Variants in KDM2A observed in about 807,000 individuals in gnomAD.
KDM2A encodes lysine demethylase 2A.
KDM2A carries 3 observed loss-of-function variants against 137.3 expected under a neutral mutation model. That is an observed-to-expected ratio of 0.02 (90% CI 0.01 to 0.06). The LOEUF is 0.06. Among genes scored for constraint, KDM2A ranks in the 10% least tolerant of loss-of-function variants. The pLI is 1.00. For synonymous variants in KDM2A, 512 were observed against 541.5 expected (o/e 0.95, Z 0.76); for missense variants, 738 against 1,510.6 (o/e 0.49, Z 8.48).
intron 2 of KDM2A, among the ~76,000 whole-genome samples, chr11:67,150,128 G>A (rs552838430): frequency 1.3e-5 from 2 of 152,266 alleles, no homozygotes; most frequent in East Asian, 3.9e-4. Flanking sequence ...TACAACCCTA[G>A]ACAAGTTTAA....
rs554713164 is a variant in KDM2A at position 67,124,317 on chromosome 11, A to G, written c.42+2959A>G. Among the ~76,000 whole-genome samples the G allele has an allele frequency of 4.9e-4, 59 of 119,218 alleles. No homozygotes were observed. In the South Asian group the frequency reaches 0.014, roughly 29 times the overall value. 78.2% of individuals were successfully genotyped at this position (119,218 alleles called of 152,430 possible). On this transcript the variant is annotated intron_variant, in intron 2 of 20. Coordinates refer to ENST00000529006, the MANE Select transcript of KDM2A (RefSeq NM_012308.3). ...CCGTGCCCGGCTTCACTTTATTTTT[A>G]TATATATTTTTTGAAATGGAGACTC...
intron 10 of KDM2A, among the ~76,000 whole-genome samples, chr11:67,226,608 G>C (rs1858552911): frequency 1.3e-5 from 2 of 152,046 alleles, no homozygotes; most frequent in Non-Finnish European, 2.9e-5. Context: ...TGTAGTACCA[G>C]CTACTCAGGA....
chr11:67,190,780 A>G (rs1261542164), intron 5 of KDM2A, among the ~76,000 whole-genome samples: 1 of 152,166 alleles, frequency 6.6e-6, no homozygotes, highest in African/African-American at 2.4e-5. Context: ...ACTACGAACA[A>G]TTGTTCATCA....
At chr11:67,149,848 G>A (rs1856345639) in intron 2 of KDM2A, among the ~76,000 whole-genome samples, 1 of 151,704 alleles carries the variant, frequency 6.6e-6, no homozygotes, top group South Asian at 2.1e-4. Flanking sequence ...AGCCACCCAA[G>A]TAGCTGGGAT....
intron 2 of KDM2A, among the ~76,000 whole-genome samples, chr11:67,140,089 G>C (rs905338772): frequency 6.6e-6 from 1 of 152,046 alleles, no homozygotes; most frequent in Non-Finnish European, 1.5e-5. Flanking sequence ...GATTGGGTAC[G>C]GTGGCTTACA....
At chr11:67,244,267 T>C (rs982180959) in intron 13 of KDM2A, among the ~76,000 whole-genome samples, 2 of 152,220 alleles carry the variant, frequency 1.3e-5, no homozygotes, top group Non-Finnish European at 2.9e-5. Context: ...TCCTTGTCCT[T>C]GAAAAGGTCA....
chr11:67,129,751 GAAA>G (rs1331997668), intron 2 of KDM2A, among the ~76,000 whole-genome samples: 2 of 139,136 alleles, frequency 1.4e-5, no homozygotes, highest in African/African-American at 5.3e-5. Flanking sequence ...AAAAAAAAAA[GAAA>G]AAGAAAAATA....
At chr11:67,175,749 T>C (rs1241034732) in intron 2 of KDM2A, among the ~76,000 whole-genome samples, 1 of 152,060 alleles carries the variant, frequency 6.6e-6, no homozygotes, top group East Asian at 1.9e-4. Flanking sequence ...AATAAAAAGG[T>C]TGAGGTTTGA....
intron 8 of KDM2A, among the ~76,000 whole-genome samples, chr11:67,216,941 C>G (rs1213988229): frequency 4.0e-5 from 6 of 150,746 alleles, no homozygotes; most frequent in Non-Finnish European, 8.9e-5. Flanking sequence ...CAAACAACAA[C>G]AACAAAAAAA....
chr11:67,131,779 A>G (rs1456578866), intron 2 of KDM2A, among the ~76,000 whole-genome samples: 1 of 152,146 alleles, frequency 6.6e-6, no homozygotes, highest in East Asian at 1.9e-4. Context: ...TAAATATTTG[A>G]TAGCCAGTGT....
At chr11:67,177,113 C>T (rs1304296841) in intron 2 of KDM2A, among the ~76,000 whole-genome samples, 1 of 151,730 alleles carries the variant, frequency 6.6e-6, no homozygotes, top group African/African-American at 2.4e-5. Flanking sequence ...AAAAATTAGC[C>T]GGGCATATTA....
chr11:67,169,293 C>G, intron 2 of KDM2A, among the ~76,000 whole-genome samples: 1 of 151,668 alleles, frequency 6.6e-6, no homozygotes, highest in East Asian at 1.9e-4. Flanking sequence ...AAACAATGCC[C>G]TAAATTTTTT....
intron 2 of KDM2A, among the ~76,000 whole-genome samples, chr11:67,142,424 G>T (rs1274856712): frequency 6.6e-6 from 1 of 151,010 alleles, no homozygotes; most frequent in African/African-American, 2.4e-5. Context: ...GCCAAGGCAG[G>T]CGGATCACCT....
chr11:67,239,182 G>A (rs764323271), intron 12 of KDM2A, among the ~76,000 whole-genome samples: 17 of 152,318 alleles, frequency 1.1e-4, no homozygotes, highest in South Asian at 2.1e-4. Context: ...CTGAGGGTAG[G>A]ATAATCTTAC....
chr11:67,160,600 C>T (rs1192949613), intron 2 of KDM2A, among the ~76,000 whole-genome samples: 6 of 151,942 alleles, frequency 3.9e-5, no homozygotes, highest in East Asian at 1.9e-4. Context: ...GGTGAAACTC[C>T]GTCTCTACTA....
At chr11:67,249,974 C>CA (rs34463980) in intron 16 of KDM2A, 112 bp from the exon 17 acceptor site, 861,584 of 863,592 alleles carry the variant, frequency 1, 429,820 homozygotes, top group East Asian at 1. Context: ...CCCTCTCCAA[C>CA]GTGACCTTTC....
chr11:67,253,595 A>G lies in KDM2A; in HGVS notation c.3075A>G (p.Pro1025=), dbSNP rs34925153. ...CTCAAATTCGGGACTTGCTTACTCC[A>G]CCGGCTGATAAACCAGGTATGCTCT... is the stretch of plus-strand genomic sequence containing the variant. ...KDPQIRDLLT[P]PADKPGQDNR... is the part of the protein sequence containing the mutation. Residue 1025 remains proline, a synonymous_variant, in exon 19 of 21, where the codon CCA becomes CCG. Coordinates refer to ENST00000529006, the MANE Select transcript of KDM2A (RefSeq NM_012308.3). The G allele has an allele frequency of 0.015, 24,899 of 1,613,828 alleles. 213 individuals are homozygous for G. The highest frequency in any genetic ancestry group is 0.018 in the Non-Finnish European group (21,528 of 1,179,790).
At position 67,243,004 on chromosome 11, in the gene KDM2A, C is replaced by T. The variant is rs779838752; in HGVS notation, c.1480-5C>T. On this transcript the variant is annotated splice_region_variant and splice_polypyrimidine_tract_variant and intron_variant, in intron 12 of 20. Coordinates refer to ENST00000529006, the MANE Select transcript of KDM2A (RefSeq NM_012308.3). Reference sequence around the variant, plus strand: ...ATTTTTCCTTCTTTTCCCTCCTACCCTTAGATTTTGCTGGAGGAGCTTGCC... The same window carrying T: ...ATTTTTCCTTCTTTTCCCTCCTACCTTTAGATTTTGCTGGAGGAGCTTGCC... 5 of 1,613,088 alleles carry T rather than the reference C, an allele frequency of 3.1e-6. No individual in the cohort carries two copies. The highest frequency in any genetic ancestry group is 2.7e-5 in the African/African-American group (2 of 74,870).
intron 2 of KDM2A, among the ~76,000 whole-genome samples, chr11:67,126,490 C>T (rs1387442152): frequency 2.0e-5 from 3 of 151,808 alleles, no homozygotes; most frequent in African/African-American, 7.3e-5. Context: ...GGTGGATCAC[C>T]TGAGGTCAGC....
Sources: allele counts gnomAD v4.1 joint callset (sites outside exome capture counted in the v4.1 genomes callset), GRCh38; gene constraint gnomAD v4.1.1; transcripts MANE v1.5; gene names NCBI Gene and HGNC (gene_info 2026-07-23, HGNC 2026-07-21).